KIAA1217: variants seen among roughly 807,000 people sequenced by gnomAD.
KIAA1217 encodes sickle tail protein homolog.
In KIAA1217, 88 loss-of-function variants were observed where a neutral mutation model predicts 163.9. The ratio of observed to expected loss-of-function variants is 0.54; its 90% CI spans 0.45 to 0.64. The LOEUF is 0.64. Among genes scored for constraint, KIAA1217 ranks in the 30% least tolerant of loss-of-function variants. The pLI, the probability that KIAA1217 is intolerant of heterozygous loss-of-function variation, is 0.00. For synonymous variants in KIAA1217, 903 were observed against 923.1 expected, an observed-to-expected ratio of 0.98 and a Z score of 0.39; for missense variants, 2,372 against 2,475.0, an observed-to-expected ratio of 0.96 and a Z score of 0.88.
intron 2 of KIAA1217, chr10:24,158,367 G>A (rs2064973287): frequency 6.2e-6 from 4 of 646,796 alleles, no homozygotes; most frequent in Admixed American, 5.5e-5. Context: ...CTGTGTTCGG[G>A]TTTTCTCAAG....
At chr10:24,047,915 A>T (rs1487893163) in intron 2 of KIAA1217, among the ~76,000 whole-genome samples, 2 of 152,226 alleles carry the variant, frequency 1.3e-5, no homozygotes, top group African/African-American at 4.8e-5. Context: ...AGGTGCACTC[A>T]GTGTATGGCT....
rs2075767690 is a variant in KIAA1217 at position 24,547,536 on chromosome 10, T to C, written c.*1212T>C. 6.6e-6 allele frequency: 1 copy of C among 152,274 alleles called. No homozygotes were observed. Among genetic ancestry groups the C allele is most frequent in the African/African-American group, 2.4e-5 (1 of 41,458 alleles). The allele number at this position is 152,274 out of a possible 1,614,324, so 9.4% of individuals were successfully genotyped here. A position where few individuals can be genotyped will look rare whatever the true frequency, so the allele number is the denominator to read the frequency against. On this transcript the variant is annotated 3_prime_UTR_variant, in exon 21 of 21. Transcript: ENST00000376454. The stretch of plus-strand genomic sequence containing the variant: ...ACTACTTCCTAGTCAAAGAACGAAA[T>C]GTAACTGTTACCGAGTTAAATGTTT...
intron 1 of KIAA1217, among the ~76,000 whole-genome samples, chr10:23,810,466 A>G (rs1836952421): frequency 7.0e-6 from 1 of 142,412 alleles, no homozygotes; most frequent in African/African-American, 2.6e-5. Context: ...TATACTATGT[A>G]TAATCTATAT....
At chr10:24,472,774 C>T (rs1415955891) in intron 5 of KIAA1217, among the ~76,000 whole-genome samples, 1 of 152,112 alleles carries the variant, frequency 6.6e-6, no homozygotes, top group African/African-American at 2.4e-5. Flanking sequence ...GATCAGAAGT[C>T]CTTAATGGAT....
chr10:23,933,119 A>G (rs777876354), intron 1 of KIAA1217, among the ~76,000 whole-genome samples: 2 of 152,234 alleles, frequency 1.3e-5, no homozygotes, highest in Non-Finnish European at 2.9e-5. Flanking sequence ...CTCATATAAT[A>G]AAATCAGCTT....
chr10:24,278,737 A>C (rs1054744854), intron 2 of KIAA1217, among the ~76,000 whole-genome samples: 18 of 152,176 alleles, frequency 1.2e-4, no homozygotes, highest in African/African-American at 3.9e-4. Context: ...GTGTTATGCT[A>C]GAGAGAAATT....
chr10:23,879,153 T>C (rs1382008997), intron 1 of KIAA1217, among the ~76,000 whole-genome samples: 2 of 151,928 alleles, frequency 1.3e-5, no homozygotes, highest in South Asian at 2.1e-4. Flanking sequence ...TCATTTAAAG[T>C]AGTTGTTCTC....
At chr10:24,416,638 T>C (rs1033256045) in intron 3 of KIAA1217, among the ~76,000 whole-genome samples, 1 of 152,202 alleles carries the variant, frequency 6.6e-6, no homozygotes, top group Non-Finnish European at 1.5e-5. Flanking sequence ...GGATGCCAGA[T>C]TTGATTTTAG....
At chr10:23,805,708 G>A (rs1323087445) in intron 1 of KIAA1217, among the ~76,000 whole-genome samples, 2 of 151,974 alleles carry the variant, frequency 1.3e-5, no homozygotes, top group South Asian at 2.1e-4. Context: ...GACATAGAAA[G>A]CACTAACTAT....
At chr10:23,818,511 C>G (rs1051736157) in intron 1 of KIAA1217, among the ~76,000 whole-genome samples, 2 of 151,610 alleles carry the variant, frequency 1.3e-5, no homozygotes, top group Non-Finnish European at 1.5e-5. Flanking sequence ...TGGTAGTAGC[C>G]CCAGCAAGAG....
chr10:23,718,230 G>A (rs73604412), intron 1 of KIAA1217, among the ~76,000 whole-genome samples: 2,044 of 152,178 alleles, frequency 0.013, 47 homozygotes, highest in African/African-American at 0.046. Flanking sequence ...TAGAAAGTGG[G>A]GCCACAGTAG....
intron 1 of KIAA1217, among the ~76,000 whole-genome samples, chr10:23,933,746 T>G (rs950567709): frequency 6.6e-6 from 1 of 152,036 alleles, no homozygotes; most frequent in Non-Finnish European, 1.5e-5. Context: ...CTGACACTTC[T>G]CAAAAGAAGA....
chr10:24,022,200 T>C (rs976762968), intron 2 of KIAA1217, among the ~76,000 whole-genome samples: 1 of 150,810 alleles, frequency 6.6e-6, no homozygotes, highest in Admixed American at 6.6e-5. Context: ...AAAACACATA[T>C]CTGATTTAAA....
At chr10:23,951,926 A>G (rs1479433891) in intron 1 of KIAA1217, among the ~76,000 whole-genome samples, 1 of 152,200 alleles carries the variant, frequency 6.6e-6, no homozygotes, top group Non-Finnish European at 1.5e-5. Flanking sequence ...GGACCAAGGT[A>G]AACATACATG....
intron 1 of KIAA1217, among the ~76,000 whole-genome samples, chr10:23,934,730 G>C (rs1015577663): frequency 6.7e-6 from 1 of 148,508 alleles, no homozygotes; most frequent in Non-Finnish European, 1.5e-5. Context: ...CCATTCTCCT[G>C]CCTCAGCCTC....
chr10:23,930,551 C>A (rs1438542842), intron 1 of KIAA1217, among the ~76,000 whole-genome samples: 1 of 152,142 alleles, frequency 6.6e-6, no homozygotes, highest in Non-Finnish European at 1.5e-5. Flanking sequence ...AGTCAAGATG[C>A]ACACAGATAT....
chr10:23,731,732 A>G (rs944480079), intron 1 of KIAA1217, among the ~76,000 whole-genome samples: 3 of 137,202 alleles, frequency 2.2e-5, no homozygotes, highest in African/African-American at 9.1e-5. Flanking sequence ...GGTTAGCTGT[A>G]GGGGATTTTT....
chr10:23,903,299 A>T (rs1842025376), intron 1 of KIAA1217, among the ~76,000 whole-genome samples: 1 of 152,122 alleles, frequency 6.6e-6, no homozygotes, highest in Non-Finnish European at 1.5e-5. Flanking sequence ...GCTTCTAAAA[A>T]GTCTTTTGTA....
intron 2 of KIAA1217, among the ~76,000 whole-genome samples, chr10:24,368,266 G>A (rs772832070): frequency 2.0e-5 from 3 of 152,010 alleles, no homozygotes; most frequent in Admixed American, 6.6e-5. Flanking sequence ...GGAAAAGAAG[G>A]GCATAGTGAG....
Sources: gnomAD v4.1 joint callset for allele counts (sites outside exome capture counted in the v4.1 genomes callset) on GRCh38, gnomAD v4.1.1 for gene constraint, MANE v1.5 for transcripts, NCBI Gene and HGNC (gene_info 2026-07-23, HGNC 2026-07-21) for gene names.